Variants in CAST observed in about 807,000 individuals in gnomAD.
The protein encoded by CAST is calpastatin, also known as MIR583 host.
In CAST, 76 loss-of-function variants were observed where a neutral mutation model predicts 119.6. That is an observed-to-expected ratio of 0.64 (90% CI 0.53 to 0.77). The LOEUF is 0.77. Ranked by LOEUF, CAST falls within the 30% of genes least tolerant of loss-of-function variation. The pLI is 0.00. For synonymous variants in CAST, 319 were observed against 331.6 expected (o/e 0.96, Z 0.41); for missense variants, 953 against 946.5 (o/e 1.01, Z -0.09).
At chr5:96,663,247 C>T (rs1265539518) in intron 1 of CAST, 3 of 702,096 alleles carry the variant, frequency 4.3e-6, no homozygotes, top group East Asian at 5.4e-5. Flanking sequence ...CCCTTCTGGG[C>T]GTGCGGATGA....
chr5:96,518,341 G>A, the CAST span, among the ~76,000 whole-genome samples: 1 of 152,144 alleles, frequency 6.6e-6, no homozygotes, highest in African/African-American at 2.4e-5. Flanking sequence ...TAGCCAAAAA[G>A]AAAAGAAATG....
the CAST span, among the ~76,000 whole-genome samples, chr5:96,106,020 C>T: frequency 3.6e-3 from 542 of 152,224 alleles, 2 homozygotes; most frequent in African/African-American, 4.6e-3. Context: ...AGTTTATTTG[C>T]GTAGAGGTGT....
At chr5:96,583,320 A>G (rs1746799391) in intron 1 of CAST, among the ~76,000 whole-genome samples, 1 of 151,762 alleles carries the variant, frequency 6.6e-6, no homozygotes, top group South Asian at 2.1e-4. Context: ...TACTTGCTTG[A>G]CAATTTCTGT....
intron 3 of CAST, among the ~76,000 whole-genome samples, chr5:96,702,385 C>T (rs958254629): frequency 5.3e-5 from 8 of 152,110 alleles, no homozygotes; most frequent in African/African-American, 1.9e-4. Flanking sequence ...ATAAAGTAAT[C>T]GGGTAGAATT....
chr5:96,153,258 C>T, the CAST span, among the ~76,000 whole-genome samples: 1 of 152,140 alleles, frequency 6.6e-6, no homozygotes, highest in East Asian at 1.9e-4. Flanking sequence ...GGGACCCTGC[C>T]CTAGATTCCC....
At chr5:96,442,221 G>A in the CAST span, among the ~76,000 whole-genome samples, 1 of 152,178 alleles carries the variant, frequency 6.6e-6, no homozygotes. Context: ...CCCCTTACCA[G>A]CACTGTTACC....
chr5:96,429,240 G>A, the CAST span: 1 of 1,586,294 alleles, frequency 6.3e-7, no homozygotes. Context: ...ATCTCTTAGT[G>A]ATATGAAAGG....
chr5:96,600,637 C>T (rs1747133282), intron 1 of CAST, among the ~76,000 whole-genome samples: 1 of 152,044 alleles, frequency 6.6e-6, no homozygotes, highest in South Asian at 2.1e-4. Context: ...TCGGAAAAAC[C>T]CAGCTCTATG....
At chr5:96,201,751 T>G in the CAST span, among the ~76,000 whole-genome samples, 1 of 152,062 alleles carries the variant, frequency 6.6e-6, no homozygotes, top group African/African-American at 2.4e-5. Flanking sequence ...TAGCTATTGT[T>G]GAATGTGTTG....
In CAST at chr5:96,530,350, G is replaced by T. The variant is rs115437000; in HGVS notation, c.60+470G>T. ...CAGGATGTGAAAAGACCCTGCAGAG[G>T]TAAAGAGTCCTTTACTGAGCTAGAG... On this transcript the variant is annotated intron_variant, in intron 1 of 11. Coordinates refer to the CAST transcript ENST00000505143. Among the ~76,000 whole-genome samples, 1,006 of 152,228 alleles carry T rather than the reference G, an allele frequency of 6.6e-3. 11 individuals carry two copies. Among genetic ancestry groups the T allele is most frequent in the African/African-American group, 0.023 (966 of 41,528 alleles).
rs371058549 is a variant in CAST at position 96,746,310 on chromosome 5, A to G, written c.1201-32A>G. 2.6e-5 allele frequency: 32 copies of G among 1,245,452 alleles called. No homozygotes were observed. Among genetic ancestry groups the G allele is most frequent in the Admixed American group, 8.4e-5 (5 of 59,554 alleles). The allele number at this position is 1,245,452 out of a possible 1,614,324, so 77.2% of individuals were successfully genotyped here. ...ATCATCTCATTATGTGCATTATCCA[A>G]CTACTTTTTTTTTCCCCTCCATTTT... On this transcript the variant is annotated intron_variant, in intron 16 of 31. Coordinates refer to ENST00000675179, the MANE Select transcript of CAST (RefSeq NM_001750.7).
At chr5:96,215,930 C>A in the CAST span, among the ~76,000 whole-genome samples, 10 of 152,212 alleles carry the variant, frequency 6.6e-5, 1 homozygote, top group South Asian at 2.1e-3. Context: ...GTCTCAGCCT[C>A]CCGTGTAGCT....
At chr5:96,201,580 G>A in the CAST span, among the ~76,000 whole-genome samples, 4 of 151,972 alleles carry the variant, frequency 2.6e-5, no homozygotes, top group Non-Finnish European at 4.4e-5. Flanking sequence ...ACCCCAATGT[G>A]TCCACTCATC....
chr5:96,115,010 C>T, the CAST span, among the ~76,000 whole-genome samples: 5 of 152,130 alleles, frequency 3.3e-5, no homozygotes, highest in East Asian at 1.9e-4. Context: ...ATGGGGTTAT[C>T]GCAACAATTA....
At chr5:96,020,743 A>T in the CAST span, among the ~76,000 whole-genome samples, 17 of 152,162 alleles carry the variant, frequency 1.1e-4, no homozygotes, top group Non-Finnish European at 2.2e-4. Context: ...ATTTCATTAT[A>T]TATTACAATG....
chr5:96,156,681 C>A, the CAST span, among the ~76,000 whole-genome samples: 1 of 152,236 alleles, frequency 6.6e-6, no homozygotes, highest in Admixed American at 6.5e-5. Context: ...AACTCACCCT[C>A]TGATCTTGGT....
the CAST span, among the ~76,000 whole-genome samples, chr5:96,416,378 C>A: frequency 6.6e-6 from 1 of 152,162 alleles, no homozygotes. Context: ...TACTTGTCTG[C>A]AAAGGCTTGG....
At chr5:96,744,304 C>G (rs542525390) in intron 16 of CAST, among the ~76,000 whole-genome samples, 7 of 152,292 alleles carry the variant, frequency 4.6e-5, no homozygotes, top group African/African-American at 1.4e-4. Context: ...TTAATTGACT[C>G]ACAGTTCCTC....
chr5:96,283,046 C>A, the CAST span, among the ~76,000 whole-genome samples: 5 of 147,664 alleles, frequency 3.4e-5, no homozygotes, highest in Non-Finnish European at 7.4e-5. Flanking sequence ...AGGAGAATGG[C>A]GTGAACCCGG....
Sources: allele counts gnomAD v4.1 joint callset (sites outside exome capture counted in the v4.1 genomes callset), GRCh38; gene constraint gnomAD v4.1.1; transcripts MANE v1.5; gene names NCBI Gene and HGNC (gene_info 2026-07-23, HGNC 2026-07-21).